The following TRIO variants were observed in gnomAD, a reference collection of about 807,000 sequenced individuals.
TRIO encodes the protein trio Rho guanine nucleotide exchange factor, also known as triple functional domain protein.
TRIO carries 58 observed loss-of-function variants against 351.9 expected under a neutral mutation model. That is an observed-to-expected ratio of 0.16 (90% confidence interval 0.13 to 0.21). TRIO has a LOEUF of 0.21. Among genes scored for constraint, TRIO ranks in the 10% least tolerant of loss-of-function variants. The pLI is 1.00. For synonymous variants in TRIO, 1,758 were observed against 1,595.7 expected (o/e 1.10, Z -2.42); for missense variants, 3,201 against 4,027.8 (o/e 0.79, Z 5.56).
chr5:14,256,227 T>A (rs1795013466), intron 1 of TRIO, among the ~76,000 whole-genome samples: 1 of 152,078 alleles, frequency 6.6e-6, no homozygotes, highest in Admixed American at 6.6e-5. Flanking sequence ...TGGGAGGTGC[T>A]ACTCTCTTTG....
rs183745433 is a variant in TRIO at position 14,329,250 on chromosome 5, A to G, written c.1732-1528A>G. Among the ~76,000 whole-genome samples the G allele has an allele frequency of 3.3e-5, 5 of 152,306 alleles. No individual in the cohort carries two copies. In the East Asian group the frequency reaches 9.6e-4, roughly 29 times the overall value. Reference sequence around the variant, plus strand: ...ACCACTGTCTTTGCTGTGTGTGCCCATTTGTTCTTTAGTCCAAGGTGATTT... The same window carrying G: ...ACCACTGTCTTTGCTGTGTGTGCCCGTTTGTTCTTTAGTCCAAGGTGATTT... On this transcript the variant is annotated intron_variant, in intron 9 of 56. Coordinates refer to ENST00000344204, the MANE Select transcript of TRIO (RefSeq NM_007118.4).
chr5:14,292,912 G>A, intron 5 of TRIO, 100 bp from the exon 6 acceptor site: 1 of 1,537,698 alleles, frequency 6.5e-7, no homozygotes, highest in Non-Finnish European at 8.9e-7. Flanking sequence ...AGTTGTCCAG[G>A]GAAGGAAGTT....
intron 7 of TRIO, among the ~76,000 whole-genome samples, chr5:14,299,499 G>A (rs573837934): frequency 6.6e-6 from 1 of 152,282 alleles, no homozygotes; most frequent in Admixed American, 6.5e-5. Context: ...CAGAAAGACA[G>A]TCCTTACTTG....
chr5:14,316,632 C>T lies in TRIO; in HGVS notation c.1620C>T (p.Val540=), dbSNP rs1333235374. 13 of 1,614,208 alleles carry T rather than the reference C, an allele frequency of 8.1e-6. No homozygotes were observed. The highest frequency in any genetic ancestry group is 9.3e-6 in the Non-Finnish European group (11 of 1,180,044). The change falls in exon 9 of 57, where the codon GTC becomes GTT. Residue 540 remains valine, a synonymous_variant. Coordinates refer to ENST00000344204, the MANE Select transcript of TRIO (RefSeq NM_007118.4). The part of the protein sequence containing the change: ...YSKAVHHVLD[V]IHEVLHHQRQ... ...AGGCCGTGCACCATGTCCTGGATGT[C>T]ATCCACGAGGTGCTGCACCACCAGC...
rs746420229 is a variant in TRIO, at chr5:14,358,360, C to T, written c.2216+13C>T. 4.1e-5 allele frequency: 66 copies of T among 1,613,436 alleles called. No homozygotes were observed. In the South Asian group the frequency reaches 6.5e-4, roughly 16 times the overall value. ...TCCAGCAGCTCAGGTGGGCCTCACCCCTCTCCTGGTCCGAACAGATTCTGA... is the reference window on the plus strand; with the variant it reads ...TCCAGCAGCTCAGGTGGGCCTCACCTCTCTCCTGGTCCGAACAGATTCTGA... On this transcript the variant is annotated intron_variant, in intron 12 of 56. Transcript: ENST00000344204.
chr5:14,351,586 C>G (rs898812987), intron 11 of TRIO, among the ~76,000 whole-genome samples: 6 of 152,242 alleles, frequency 3.9e-5, no homozygotes, highest in Non-Finnish European at 8.8e-5. Context: ...TTGAATACTT[C>G]ACACGTGGAT....
At chr5:14,429,806 G>A (rs956888489) in intron 34 of TRIO, among the ~76,000 whole-genome samples, 1 of 152,160 alleles carries the variant, frequency 6.6e-6, no homozygotes, top group African/African-American at 2.4e-5. Flanking sequence ...TCCAATGTTT[G>A]TTAGGCATAT....
At chr5:14,162,879 T>A (rs1273949170) in intron 1 of TRIO, among the ~76,000 whole-genome samples, 2 of 152,194 alleles carry the variant, frequency 1.3e-5, no homozygotes, top group African/African-American at 4.8e-5. Context: ...CGATCTTGGC[T>A]CACTGCAGCC....
intron 1 of TRIO, among the ~76,000 whole-genome samples, chr5:14,239,174 T>A (rs1793976684): frequency 6.6e-6 from 1 of 152,160 alleles, no homozygotes; most frequent in Non-Finnish European, 1.5e-5. Context: ...TCAGAATATA[T>A]AAGTGGTATT....
intron 1 of TRIO, among the ~76,000 whole-genome samples, chr5:14,165,342 C>T (rs993871499): frequency 9.2e-5 from 14 of 152,156 alleles, no homozygotes; most frequent in African/African-American, 3.1e-4. Context: ...TTAGCTCCCA[C>T]TTATAAGCGA....
At chr5:14,220,727 G>A (rs1792565219) in intron 1 of TRIO, among the ~76,000 whole-genome samples, 1 of 152,218 alleles carries the variant, frequency 6.6e-6, no homozygotes, top group African/African-American at 2.4e-5. Context: ...TCCAGAACAA[G>A]GCCTCAGCAA....
chr5:14,188,676 A>G (rs1381653516), intron 1 of TRIO, among the ~76,000 whole-genome samples: 1 of 152,240 alleles, frequency 6.6e-6, no homozygotes, highest in African/African-American at 2.4e-5. Flanking sequence ...AAAGACCAGG[A>G]GAAAGATAAG....
At chr5:14,159,994 A>G (rs1292856954) in intron 1 of TRIO, among the ~76,000 whole-genome samples, 1 of 152,260 alleles carries the variant, frequency 6.6e-6, no homozygotes, top group Non-Finnish European at 1.5e-5. Context: ...CTCTGTTGCA[A>G]TAATTTTCAT....
intron 1 of TRIO, among the ~76,000 whole-genome samples, chr5:14,258,454 A>G (rs1481849057): frequency 6.6e-6 from 1 of 152,152 alleles, no homozygotes; most frequent in Non-Finnish European, 1.5e-5. Flanking sequence ...TAATTTGGAA[A>G]ACGATGTTCC....
At chr5:14,259,833 G>A (rs75009040) in intron 1 of TRIO, among the ~76,000 whole-genome samples, 5,916 of 151,382 alleles carry the variant, frequency 0.039, 158 homozygotes, top group Non-Finnish European at 0.058. Flanking sequence ...TTGCTCTTAC[G>A]GGGGTTCTTA....
At chr5:14,271,839 C>T (rs1795993150) in intron 2 of TRIO, among the ~76,000 whole-genome samples, 1 of 152,198 alleles carries the variant, frequency 6.6e-6, no homozygotes, top group Non-Finnish European at 1.5e-5. Flanking sequence ...GTCCTTTGGA[C>T]ATGTGATACT....
At chr5:14,216,025 A>AT (rs1792196260) in intron 1 of TRIO, among the ~76,000 whole-genome samples, 1 of 152,142 alleles carries the variant, frequency 6.6e-6, no homozygotes, top group Non-Finnish European at 1.5e-5. Context: ...TTGTCTGTAA[A>AT]TTAGAGGTAA....
chr5:14,359,637 C>G lies in TRIO; in HGVS notation c.2391+106C>G, dbSNP rs1004011650. ...CCCTGCTGAGGTCCTGTGTCCTCAC[C>G]CACACCCCAACCCTCTGCACCAGGA... On this transcript the variant is annotated intron_variant, in intron 13 of 56. Transcript: ENST00000344204. 5.2e-6 allele frequency: 7 copies of G among 1,340,368 alleles called. No homozygotes were observed. In the East Asian group the frequency reaches 1.7e-4, roughly 33 times the overall value. The allele number at this position is 1,340,368 out of a possible 1,614,324, so 83.0% of individuals were successfully genotyped here.
rs192969715 is a variant in TRIO at position 14,508,684 on chromosome 5, A to T, written c.*262A>T. 7,053 of 387,880 alleles carry T rather than the reference A, an allele frequency of 0.018. 81 individuals carry two copies. The highest frequency in any genetic ancestry group is 0.024 in the Non-Finnish European group (5,158 of 218,850). 24.0% of individuals were successfully genotyped at this position (387,880 alleles called of 1,614,324 possible). On this transcript the variant is annotated 3_prime_UTR_variant, in exon 57 of 57. Transcript: ENST00000344204. ...ATTTTATTCAGGTTTCTGCAAAAAA[A>T]TAAAAAGATAACTTTTTTAAACAAA... is the stretch of plus-strand genomic sequence containing the variant.
Sources: gnomAD v4.1 joint callset for allele counts (sites outside exome capture counted in the v4.1 genomes callset) on GRCh38, gnomAD v4.1.1 for gene constraint, MANE v1.5 for transcripts, NCBI Gene and HGNC (gene_info 2026-07-23, HGNC 2026-07-21) for gene names.